Variants in FOXN3 observed in about 807,000 individuals in gnomAD.
The protein encoded by FOXN3 is forkhead box protein N3.
FOXN3 carries 7 observed loss-of-function variants against 38.4 expected under a neutral mutation model. That is an observed-to-expected ratio of 0.18 (90% CI 0.10 to 0.34). The LOEUF (loss-of-function observed/expected upper bound fraction) is 0.34. FOXN3 is among the 10% of genes least tolerant of loss of function. FOXN3 has a pLI of 1.00. For synonymous variants in FOXN3, 230 were observed against 242.2 expected (o/e 0.95, Z 0.47); for missense variants, 456 against 613.4 (o/e 0.74, Z 2.71).
Position 89,316,621 on chromosome 14 carries a change from A to G in FOXN3, c.680+34051T>C, listed in dbSNP as rs1887726036. On this transcript the variant is annotated intron_variant, in intron 3 of 5. Transcript: ENST00000557258. ...AGTGATCCTCTCACCTCAGCCTCCC[A>G]AAGTGCTGGGATTACAGGCATGAGC... Among the ~76,000 whole-genome samples, 3 of 151,444 alleles carry G rather than the reference A, an allele frequency of 2.0e-5. No individual in the cohort carries two copies. The South Asian group carries it at 6.3e-4, about 32-fold the overall frequency.
chr14:89,592,061 A>G (rs1895965479), intron 1 of FOXN3, among the ~76,000 whole-genome samples: 1 of 152,228 alleles, frequency 6.6e-6, no homozygotes, highest in African/African-American at 2.4e-5. Flanking sequence ...TAAAAGAACA[A>G]GAAACATTTA....
intron 4 of FOXN3, among the ~76,000 whole-genome samples, chr14:89,219,698 C>T (rs1005907726): frequency 3.3e-5 from 5 of 152,200 alleles, no homozygotes; most frequent in Non-Finnish European, 7.3e-5. Context: ...GATAATAGCA[C>T]CCCCTTCCCT....
At chr14:89,410,988 G>T (rs1356786506) in intron 2 of FOXN3, among the ~76,000 whole-genome samples, 1 of 152,186 alleles carries the variant, frequency 6.6e-6, no homozygotes, top group Non-Finnish European at 1.5e-5. Context: ...TAAAGCAGGG[G>T]TCCCCAACCT....
At chr14:89,360,770 C>CACCTCCAGCACCACCTCCAGCACT (rs1566966452) in intron 2 of FOXN3, among the ~76,000 whole-genome samples, 2 of 103,976 alleles carry the variant, frequency 1.9e-5, no homozygotes, top group African/African-American at 8.6e-5. Context: ...CCACCACTAC[C>CACCTCCAGCACCACCTCCAGCACT]ACCTCCACCA....
At chr14:89,590,112 C>T (rs572734626) in intron 1 of FOXN3, among the ~76,000 whole-genome samples, 1 of 152,158 alleles carries the variant, frequency 6.6e-6, no homozygotes, top group South Asian at 2.1e-4. Context: ...AATCTACCCA[C>T]CTGCCAATGA....
At chr14:89,354,900 C>T (rs1459271944) in intron 2 of FOXN3, among the ~76,000 whole-genome samples, 1 of 151,856 alleles carries the variant, frequency 6.6e-6, no homozygotes, top group Non-Finnish European at 1.5e-5. Context: ...GGGCCACACA[C>T]CATTAAGTGT....
intron 4 of FOXN3, among the ~76,000 whole-genome samples, chr14:89,183,572 TA>T (rs1482105573): frequency 6.6e-6 from 1 of 152,020 alleles, no homozygotes; most frequent in African/African-American, 2.4e-5. Flanking sequence ...TAACCCAAAC[TA>T]AGGGGTATTT....
At chr14:89,476,933 T>A (rs950369262) in intron 1 of FOXN3, among the ~76,000 whole-genome samples, 1 of 152,094 alleles carries the variant, frequency 6.6e-6, no homozygotes, top group African/African-American at 2.4e-5. Flanking sequence ...GAGGCAAGAA[T>A]GACACCCAGG....
chr14:89,381,237 C>G (rs192096471), intron 2 of FOXN3, among the ~76,000 whole-genome samples: 38 of 148,274 alleles, frequency 2.6e-4, no homozygotes, highest in Admixed American at 5.4e-4. Flanking sequence ...ACAAAGGTAA[C>G]AGTCATCTTC....
intron 1 of FOXN3, among the ~76,000 whole-genome samples, chr14:89,422,726 G>C (rs760124160): frequency 3.3e-5 from 5 of 152,244 alleles, no homozygotes; most frequent in Non-Finnish European, 4.4e-5. Context: ...TTTTCCTTTT[G>C]TGCCTTCTTG....
intron 1 of FOXN3, among the ~76,000 whole-genome samples, chr14:89,582,127 T>C (rs183147414): frequency 2.7e-3 from 410 of 152,286 alleles, no homozygotes; most frequent in African/African-American, 9.4e-3. Flanking sequence ...CCTCTAATAA[T>C]CTTACTAAAT....
In FOXN3 at chr14:89,180,892, A is replaced by G. The variant is rs1259538865; in HGVS notation, c.746-86T>C. ...CAAGTCAGAAATTCTGGATAGACCAATAAGAGAGAGAGAGAGACAGAGGGC... is the reference window on the plus strand; with the variant it reads ...CAAGTCAGAAATTCTGGATAGACCAGTAAGAGAGAGAGAGAGACAGAGGGC... On this transcript the variant is annotated intron_variant, in intron 4 of 5. Coordinates refer to ENST00000557258, the MANE Select transcript of FOXN3 (RefSeq NM_005197.4). The G allele has an allele frequency of 5.0e-5, 34 of 673,592 alleles. No homozygotes were observed. In the Admixed American group the frequency reaches 7.6e-4, roughly 15 times the overall value. 41.7% of individuals were successfully genotyped at this position (673,592 alleles called of 1,614,324 possible). A position where few individuals can be genotyped will look rare whatever the true frequency, so the allele number is the denominator to read the frequency against.
intron 1 of FOXN3, among the ~76,000 whole-genome samples, chr14:89,521,351 T>TGAGA (rs1555358481): frequency 1.1e-5 from 1 of 91,236 alleles, no homozygotes; most frequent in Non-Finnish European, 2.3e-5. Context: ...TCTTCATAGA[T>TGAGA]GATAGATAGA....
At chr14:89,197,780 T>C (rs1188031466) in intron 4 of FOXN3, among the ~76,000 whole-genome samples, 1 of 152,206 alleles carries the variant, frequency 6.6e-6, no homozygotes, top group Non-Finnish European at 1.5e-5. Context: ...CCACCCTAGC[T>C]GAAGGAATCT....
intron 1 of FOXN3, among the ~76,000 whole-genome samples, chr14:89,597,537 T>C (rs1459352660): frequency 6.6e-6 from 1 of 152,224 alleles, no homozygotes; most frequent in African/African-American, 2.4e-5. Context: ...ATTGTACCAA[T>C]TACTGAGAGG....
intron 2 of FOXN3, among the ~76,000 whole-genome samples, chr14:89,363,973 TA>T (rs1890032037): frequency 2.7e-5 from 2 of 73,768 alleles, no homozygotes; most frequent in African/African-American, 5.5e-5. Context: ...TATATATATA[TA>T]TATATATATA....
intron 1 of FOXN3, among the ~76,000 whole-genome samples, chr14:89,441,825 C>T (rs571156313): frequency 6.6e-6 from 1 of 152,226 alleles, no homozygotes; most frequent in African/African-American, 2.4e-5. Flanking sequence ...GACAGCTCTT[C>T]CAAGCCCCAC....
intron 3 of FOXN3, among the ~76,000 whole-genome samples, chr14:89,346,641 T>C (rs1228972471): frequency 6.6e-6 from 1 of 152,204 alleles, no homozygotes; most frequent in Non-Finnish European, 1.5e-5. Context: ...TCATCACCTG[T>C]GGCATACTGT....
At chr14:89,408,406 T>G (rs1170940495) in intron 2 of FOXN3, among the ~76,000 whole-genome samples, 1 of 151,860 alleles carries the variant, frequency 6.6e-6, no homozygotes, top group African/African-American at 2.4e-5. Context: ...TACAGGAGTA[T>G]GCCATCATGC....
Sources: gnomAD v4.1 joint callset for allele counts (sites outside exome capture counted in the v4.1 genomes callset) on GRCh38, gnomAD v4.1.1 for gene constraint, MANE v1.5 for transcripts, NCBI Gene and HGNC (gene_info 2026-07-23, HGNC 2026-07-21) for gene names.